HIVEP3: variants seen among roughly 807,000 people sequenced by gnomAD.
The protein encoded by HIVEP3 is HIVEP zinc finger 3, also known as transcription factor HIVEP3.
Under a neutral mutation model 152.8 loss-of-function variants are expected in HIVEP3, and 49 were observed. That is an observed-to-expected ratio of 0.32 (90% CI 0.26 to 0.41). The LOEUF is 0.41. HIVEP3 is among the 10% of genes least tolerant of loss of function. The pLI is 1.00. For synonymous variants in HIVEP3, 1,269 were observed against 1,289.0 expected (o/e 0.98, Z 0.33); for missense variants, 2,790 against 3,103.3 (o/e 0.90, Z 2.40).
intron 1 of HIVEP3, among the ~76,000 whole-genome samples, chr1:41,969,186 C>T (rs1232511713): frequency 6.6e-6 from 1 of 152,128 alleles, no homozygotes; most frequent in Non-Finnish European, 1.5e-5. Context: ...CATTGACATT[C>T]TTCTTAGAAT....
At chr1:41,597,182 C>G (rs116035660) in intron 3 of HIVEP3, among the ~76,000 whole-genome samples, 1 of 152,110 alleles carries the variant, frequency 6.6e-6, no homozygotes, top group Non-Finnish European at 1.5e-5. Context: ...CAATCCTAGA[C>G]GAGTTAGACC....
intron 1 of HIVEP3, among the ~76,000 whole-genome samples, chr1:41,945,728 A>G (rs1484733208): frequency 6.6e-6 from 1 of 152,188 alleles, no homozygotes; most frequent in Admixed American, 6.5e-5. Flanking sequence ...GAAAACTAGG[A>G]AGAAGCCCAT....
chr1:41,963,300 C>T (rs1236571284), intron 1 of HIVEP3, among the ~76,000 whole-genome samples: 1 of 152,176 alleles, frequency 6.6e-6, no homozygotes, highest in Non-Finnish European at 1.5e-5. Context: ...CGTGAGCCAC[C>T]GCGCCCGGCC....
intron 1 of HIVEP3, among the ~76,000 whole-genome samples, chr1:41,974,761 G>T (rs1423586375): frequency 6.6e-6 from 1 of 151,996 alleles, no homozygotes; most frequent in East Asian, 1.9e-4. Context: ...TTACTTGTTG[G>T]CCTTCTACTG....
intron 1 of HIVEP3, among the ~76,000 whole-genome samples, chr1:41,740,884 TACG>T (rs1646987437): frequency 1.3e-5 from 2 of 152,144 alleles, no homozygotes; most frequent in African/African-American, 2.4e-5. Context: ...GCCAGGCCTA[TACG>T]AGGCAGGGAG....
intron 1 of HIVEP3, chr1:41,848,779 C>T (rs1643513052): frequency 6.5e-6 from 1 of 152,768 alleles, no homozygotes; most frequent in Non-Finnish European, 1.5e-5. Flanking sequence ...CTTTCTTTGC[C>T]TTCTGGCCCT....
At chr1:41,846,358 T>G (rs986064075) in intron 1 of HIVEP3, among the ~76,000 whole-genome samples, 2 of 152,230 alleles carry the variant, frequency 1.3e-5, no homozygotes, top group African/African-American at 4.8e-5. Context: ...ATGGAGACTT[T>G]GTTTCAACTC....
chr1:41,769,947 T>C (rs938654192), intron 1 of HIVEP3, among the ~76,000 whole-genome samples: 2 of 152,104 alleles, frequency 1.3e-5, no homozygotes, highest in South Asian at 4.2e-4. Context: ...CACTGATAAA[T>C]GCTAAAATTG....
intron 1 of HIVEP3, among the ~76,000 whole-genome samples, chr1:41,769,283 A>G (rs974333881): frequency 2.0e-5 from 3 of 152,112 alleles, no homozygotes; most frequent in East Asian, 3.8e-4. Context: ...GGCCAACCCT[A>G]CGGGGGGTTA....
At chr1:41,539,670 C>T (rs1643481147) in intron 5 of HIVEP3, among the ~76,000 whole-genome samples, 1 of 152,224 alleles carries the variant, frequency 6.6e-6, no homozygotes, top group Non-Finnish European at 1.5e-5. Context: ...CTGAGGCCTC[C>T]CCAGACCACC....
chr1:41,667,044 A>G (rs1031117461), intron 2 of HIVEP3, among the ~76,000 whole-genome samples: 2 of 152,126 alleles, frequency 1.3e-5, no homozygotes, highest in African/African-American at 4.8e-5. Context: ...TCCCTTGTGA[A>G]GGCTTCCCTG....
chr1:41,554,731 T>G (rs1227698737), intron 5 of HIVEP3, among the ~76,000 whole-genome samples: 1 of 152,228 alleles, frequency 6.6e-6, no homozygotes, highest in Non-Finnish European at 1.5e-5. Flanking sequence ...TTAGTTTTCC[T>G]TCTAACAGTC....
At chr1:42,034,291 A>G (rs1645629040) in intron 1 of HIVEP3, among the ~76,000 whole-genome samples, 2 of 152,250 alleles carry the variant, frequency 1.3e-5, no homozygotes, top group Admixed American at 1.3e-4. Flanking sequence ...AAAAAATCTT[A>G]ACAGCCTCTA....
intron 1 of HIVEP3, among the ~76,000 whole-genome samples, chr1:41,871,330 C>T (rs1380617178): frequency 1.3e-5 from 2 of 152,032 alleles, no homozygotes; most frequent in Non-Finnish European, 2.9e-5. Context: ...CCCACAGTGC[C>T]CAGCACAATG....
chr1:41,782,502 G>A (rs1287691195), intron 1 of HIVEP3, among the ~76,000 whole-genome samples: 1 of 152,144 alleles, frequency 6.6e-6, no homozygotes, highest in East Asian at 1.9e-4. Context: ...CGGAAGCCAA[G>A]GCGGGTGGAT....
intron 1 of HIVEP3, among the ~76,000 whole-genome samples, chr1:41,840,857 C>A (rs1643266871): frequency 6.6e-6 from 1 of 152,196 alleles, no homozygotes; most frequent in Non-Finnish European, 1.5e-5. Flanking sequence ...GTAGAGCACT[C>A]AAATTCCATA....
chr1:41,696,825 T>G (rs1646284565), intron 2 of HIVEP3, among the ~76,000 whole-genome samples: 1 of 152,252 alleles, frequency 6.6e-6, no homozygotes, highest in African/African-American at 2.4e-5. Flanking sequence ...GTCACGGATG[T>G]GGAATAGTAG....
chr1:41,510,722 CG>C lies in HIVEP3; in HGVS notation c.6949del (p.Arg2317GlyfsTer165). The C allele has an allele frequency of 6.5e-7, 1 of 1,539,716 alleles. No individual in the cohort carries two copies. Among genetic ancestry groups the C allele is most frequent in the South Asian group, 1.2e-5 (1 of 82,694 alleles). ...CGCTGCCCGGCGTCCCTGGGGCGGCCGGGGCAAGGTGTCGGGTGGGGTGCAG... is the reference window on the plus strand; with the variant it reads ...CGCTGCCCGGCGTCCCTGGGGCGGCCGGGCAAGGTGTCGGGTGGGGTGCAG... ...SPCTPPDTLP[R>X]PPQGRRAAQS... On this transcript the variant is annotated frameshift_variant, in exon 9 of 9. Transcript: ENST00000372583. LOFTEE classifies it low-confidence loss of function (END_TRUNC).
chr1:41,559,365 A>T (rs1001777522), intron 5 of HIVEP3, among the ~76,000 whole-genome samples: 4 of 152,298 alleles, frequency 2.6e-5, no homozygotes, highest in African/African-American at 9.6e-5. Context: ...TCTGAGAGCA[A>T]GTTGCAACCC....
Sources: allele counts gnomAD v4.1 joint callset (sites outside exome capture counted in the v4.1 genomes callset), GRCh38; gene constraint gnomAD v4.1.1; transcripts MANE v1.5; gene names NCBI Gene and HGNC (gene_info 2026-07-23, HGNC 2026-07-21).